The following DCTD variants were observed in gnomAD, a reference collection of about 807,000 sequenced individuals.
DCTD encodes deoxycytidylate deaminase.
In DCTD, 23 loss-of-function variants were observed where a neutral mutation model predicts 21.0. The observed-to-expected ratio is 1.09, with a 90% CI of 0.79 to 1.55. DCTD has a LOEUF of 1.55. Ranked by LOEUF, DCTD falls within the 40% of genes most tolerant of loss-of-function variation. The probability of loss-of-function intolerance (pLI) is 0.00; values close to 1 mark genes in which losing one functional copy is unlikely to be tolerated. For missense variants in DCTD, 224 were observed against 230.0 expected, an observed-to-expected ratio of 0.97 and a Z score of 0.17; for synonymous variants, 71 against 81.1, an observed-to-expected ratio of 0.88 and a Z score of 0.67.
chr4:182,910,799 C>G (rs1160565773), intron 3 of DCTD, among the ~76,000 whole-genome samples: 2 of 152,014 alleles, frequency 1.3e-5, no homozygotes, highest in Admixed American at 1.3e-4. Context: ...AGTTTTGATC[C>G]CAAGACTGGA....
Position 182,890,229 on chromosome 4 carries a change from T to A in DCTD, c.*1170A>T, listed in dbSNP as rs755735181. 6.6e-6 allele frequency: 1 copy of A among 151,998 alleles called. No individual in the cohort carries two copies. Among genetic ancestry groups the A allele is most frequent in the African/African-American group, 2.4e-5 (1 of 41,368 alleles). 9.4% of individuals were successfully genotyped at this position (151,998 alleles called of 1,614,324 possible). On this transcript the variant is annotated 3_prime_UTR_variant, in exon 6 of 6. Transcript: ENST00000438320. The stretch of plus-strand genomic sequence containing the variant: ...AAAATATAAGAGCACTTTAAAAAGG[T>A]AATAATCTTTAGGATAAAGAAAGCC...
chr4:182,894,649 C>T (rs72553967), intron 3 of DCTD, 44 bp from the exon 4 acceptor site: 43 of 1,255,712 alleles, frequency 3.4e-5, no homozygotes, highest in Middle Eastern at 3.7e-4. Flanking sequence ...GGTTGCAGCT[C>T]ATGAAGAATT....
chr4:182,901,766 G>C (rs1735789052), intron 3 of DCTD, among the ~76,000 whole-genome samples: 1 of 147,250 alleles, frequency 6.8e-6, no homozygotes, highest in African/African-American at 2.6e-5. Context: ...GTTCAAGGTT[G>C]ACCTGTGCAT....
chr4:182,897,054 T>A (rs1734854753), intron 3 of DCTD, among the ~76,000 whole-genome samples: 4 of 152,198 alleles, frequency 2.6e-5, no homozygotes. Flanking sequence ...CTCTAAGAAC[T>A]GTCACGCTCA....
chr4:182,901,923 A>G (rs1412001328), intron 3 of DCTD, among the ~76,000 whole-genome samples: 1 of 152,088 alleles, frequency 6.6e-6, no homozygotes, highest in African/African-American at 2.4e-5. Flanking sequence ...AAACCTGGAC[A>G]TGTTGTCTCT....
intron 3 of DCTD, among the ~76,000 whole-genome samples, chr4:182,905,631 C>G (rs1736568399): frequency 6.6e-6 from 1 of 152,182 alleles, no homozygotes. Context: ...TGTGCTCCTT[C>G]TCACGGGCCC....
chr4:182,917,405 G>A (rs1478536679), upstream of DCTD: 113 of 1,066,092 alleles, frequency 1.1e-4, no homozygotes, highest in Non-Finnish European at 1.2e-4. The surrounding 1 kb of genome is among the most constrained non-coding windows in gnomAD (Gnocchi z 4.9). Context: ...GCCGCCGCGG[G>A]GCCGGAAGGG....
chr4:182,905,394 T>C (rs889744414), intron 3 of DCTD, among the ~76,000 whole-genome samples: 7 of 149,670 alleles, frequency 4.7e-5, no homozygotes, highest in Admixed American at 3.4e-4. Flanking sequence ...AATGGCGCGA[T>C]CTCGGCTCAC....
chr4:182,907,126 C>T (rs1736860546), intron 3 of DCTD, among the ~76,000 whole-genome samples: 1 of 152,172 alleles, frequency 6.6e-6, no homozygotes, highest in African/African-American at 2.4e-5. Flanking sequence ...TTCACTTAGA[C>T]ATAGGATCTT....
intron 4 of DCTD, among the ~76,000 whole-genome samples, chr4:182,893,949 T>C (rs1158472244): frequency 6.6e-6 from 1 of 152,220 alleles, no homozygotes; most frequent in Non-Finnish European, 1.5e-5. Flanking sequence ...ATCTTAGATG[T>C]GACAGTTTGA....
chr4:182,914,788 G>T, intron 3 of DCTD, 135 bp downstream of exon 3: 1 of 965,350 alleles, frequency 1.0e-6, no homozygotes, highest in Non-Finnish European at 1.6e-6. Flanking sequence ...CCAGGAAATT[G>T]GGGTAGTTCA....
At chr4:182,914,640 G>T (rs1738366770) in intron 3 of DCTD, among the ~76,000 whole-genome samples, 1 of 152,196 alleles carries the variant, frequency 6.6e-6, no homozygotes, top group African/African-American at 2.4e-5. Flanking sequence ...CAGTGCACTG[G>T]TGTGGTGCAG....
rs760575464 is a variant in DCTD at position 182,915,002 on chromosome 4, C to A, written c.165G>T (p.Gly55=). The part of the protein sequence containing the change: ...ENKIVGIGYN[G]MPNGCSDDVL... ...CGTCATCACTGCACCCATTTGGCAT[C>A]CCATTGTACCCAATCCCGACAATCT... The change falls in exon 3 of 6, where the codon GGG becomes GGT. Residue 55 remains glycine (G), a synonymous_variant. Coordinates refer to ENST00000438320, the MANE Select transcript of DCTD (RefSeq NM_001921.3). 3.1e-6 allele frequency: 5 copies of A among 1,614,186 alleles called. No homozygotes were observed. In the East Asian group the frequency reaches 8.9e-5, roughly 29 times the overall value.
intron 2 of DCTD, 34 bp downstream of exon 2, chr4:182,915,423 TGTGA>T: frequency 7.6e-7 from 1 of 1,316,566 alleles, no homozygotes; most frequent in Non-Finnish European, 1.1e-6. Context: ...TCTCTTTGCC[TGTGA>T]GTATCTAAGC....
In DCTD at chr4:182,914,982, T is replaced by C; in HGVS notation, c.185A>G (p.Asp62Gly). The change falls in exon 3 of 6, where the codon GAT (aspartate) becomes GGT (glycine). Residue 62 changes from aspartate to glycine, a missense_variant. Coordinates refer to ENST00000438320, the MANE Select transcript of DCTD (RefSeq NM_001921.3). ...TGTCCTTCTCCAAGGCAACACGTCATCACTGCACCCATTTGGCATCCCATT... is the reference window on the plus strand; with the variant it reads ...TGTCCTTCTCCAAGGCAACACGTCACCACTGCACCCATTTGGCATCCCATT... The part of the protein sequence containing the change: ...GYNGMPNGCS[D>G]DVLPWRRTAE... The C allele has an allele frequency of 6.2e-7, 1 of 1,614,210 alleles. No individual in the cohort carries two copies. Among genetic ancestry groups the C allele is most frequent in the Non-Finnish European group, 8.5e-7 (1 of 1,180,036 alleles).
intron 3 of DCTD, 40 bp downstream of exon 3, chr4:182,914,883 C>T (rs780612298): frequency 6.2e-7 from 1 of 1,612,544 alleles, no homozygotes; most frequent in African/African-American, 1.3e-5. Context: ...ACTCACCAGG[C>T]TATGTCACTA....
chr4:182,912,280 A>G (rs1368115383), intron 3 of DCTD, among the ~76,000 whole-genome samples: 1 of 152,222 alleles, frequency 6.6e-6, no homozygotes, highest in Non-Finnish European at 1.5e-5. Flanking sequence ...TACAGTTTAT[A>G]CACAGTCATC....
chr4:182,893,060 G>A lies in DCTD; in HGVS notation c.429C>T (p.Leu143=), dbSNP rs1734085518. 5 of 1,613,010 alleles carry A rather than the reference G, an allele frequency of 3.1e-6. No homozygotes were observed. The highest frequency in any genetic ancestry group is 1.7e-5 in the Admixed American group (1 of 59,906). Residue 143 remains leucine (L), a synonymous_variant, in exon 5 of 6, where the codon CTC becomes CTT. Transcript: ENST00000438320. ...HDSDEATAAR[L]LFNMAGVTFR... ...ATGTCACCCCGGCCATATTAAACAGGAGCCTCGCAGCAGTTGCCTCGTCAC... is the reference window on the plus strand; with the variant it reads ...ATGTCACCCCGGCCATATTAAACAGAAGCCTCGCAGCAGTTGCCTCGTCAC...
intron 3 of DCTD, among the ~76,000 whole-genome samples, chr4:182,904,832 A>G (rs1736383677): frequency 6.6e-6 from 1 of 151,092 alleles, no homozygotes; most frequent in Non-Finnish European, 1.5e-5. Flanking sequence ...CTGTCCTCCC[A>G]CCTCCCCTCT....
Sources: gnomAD v4.1 joint callset for allele counts (sites outside exome capture counted in the v4.1 genomes callset) on GRCh38, gnomAD v4.1.1 for gene constraint, Gnocchi (gnomAD v3.1) non-coding constraint, MANE v1.5 for transcripts, NCBI Gene and HGNC (gene_info 2026-07-23, HGNC 2026-07-21) for gene names.